Variants in STK24 observed in about 807,000 individuals in gnomAD.
STK24 encodes the protein serine/threonine kinase 24.
A neutral mutation model predicts 55.6 loss-of-function variants in STK24; 21 were observed. That is an observed-to-expected ratio of 0.38 (90% CI 0.27 to 0.54). The LOEUF is 0.54. STK24 is among the 20% of genes least tolerant of loss of function. STK24 has a pLI of 0.79. For synonymous variants in STK24, 200 were observed against 215.2 expected (o/e 0.93, Z 0.62); for missense variants, 383 against 538.4 (o/e 0.71, Z 2.86).
intron 2 of STK24, among the ~76,000 whole-genome samples, chr13:98,486,170 C>T (rs1388814364): frequency 2.7e-5 from 4 of 150,358 alleles, no homozygotes; most frequent in South Asian, 2.1e-4. Context: ...TAAACCTGCA[C>T]GTTCTGCACA....
At chr13:98,484,002 G>C (rs747248763) in intron 2 of STK24, among the ~76,000 whole-genome samples, 5 of 152,202 alleles carry the variant, frequency 3.3e-5, no homozygotes, top group South Asian at 2.1e-4. Context: ...GTCTTGACCG[G>C]ACAAGTGCGG....
chr13:98,529,849 T>C (rs1896535596), intron 1 of STK24, among the ~76,000 whole-genome samples: 1 of 152,110 alleles, frequency 6.6e-6, no homozygotes. Context: ...TGCTGGGAAC[T>C]ACAGAGGCAA....
intron 1 of STK24, among the ~76,000 whole-genome samples, chr13:98,536,102 C>T (rs1896727055): frequency 6.6e-6 from 1 of 152,140 alleles, no homozygotes; most frequent in Admixed American, 6.5e-5. Context: ...AGGTCATAGA[C>T]AAGGTTGATT....
chr13:98,448,485 G>T lies in STK24; in HGVS notation c.*4688C>A, dbSNP rs1411385407. 27 of 610,450 alleles carry T rather than the reference G, an allele frequency of 4.4e-5. No homozygotes were observed. In the Admixed American group the frequency reaches 6.7e-4, roughly 15 times the overall value. 37.8% of individuals were successfully genotyped at this position (610,450 alleles called of 1,614,324 possible). On this transcript the variant is annotated 3_prime_UTR_variant, in exon 11 of 11. Coordinates refer to ENST00000539966, the MANE Select transcript of STK24 (RefSeq NM_001032296.4). ...CGTTTTTTAACCCCGACCTCTCAGC[G>T]TCTGAATGAACAGCGCTCCCACCTC...
intron 2 of STK24, among the ~76,000 whole-genome samples, chr13:98,513,466 C>A (rs7326927): frequency 3.9e-5 from 6 of 152,004 alleles, no homozygotes; most frequent in Non-Finnish European, 8.8e-5. Flanking sequence ...TAGTGGCAGC[C>A]GAAACATCTG....
intron 1 of STK24, among the ~76,000 whole-genome samples, chr13:98,575,428 C>T (rs866323277): frequency 7.1e-4 from 99 of 140,396 alleles, no homozygotes; most frequent in Middle Eastern, 3.7e-3. Flanking sequence ...CACACACACA[C>T]ATATACACAC....
Position 98,461,818 on chromosome 13 carries a change from G to A in STK24, c.1009C>T (p.Leu337Phe). The part of the protein sequence containing the change: ...FTIREKDPKN[L>F]ENGALQPSDL... Reference sequence around the variant, plus strand: ...GATGGCTGAAGAGCTCCATTCTCGAGATTCTTGGGATCTTTTTCTCGGATT... The same window carrying A: ...GATGGCTGAAGAGCTCCATTCTCGAAATTCTTGGGATCTTTTTCTCGGATT... Residue 337 changes from leucine (L) to phenylalanine (F), a missense_variant, in exon 8 of 11, where the codon CTC becomes TTC. Coordinates refer to ENST00000539966, the MANE Select transcript of STK24 (RefSeq NM_001032296.4). The A allele has an allele frequency of 6.2e-7, 1 of 1,614,134 alleles. No individual in the cohort carries two copies. Among genetic ancestry groups the A allele is most frequent in the Non-Finnish European group, 8.5e-7 (1 of 1,179,992 alleles).
chr13:98,481,926 G>A (rs1341457386), intron 3 of STK24, among the ~76,000 whole-genome samples: 2 of 152,058 alleles, frequency 1.3e-5, no homozygotes, highest in Non-Finnish European at 2.9e-5. Context: ...AATTGGCCAG[G>A]TGTGGTGGCA....
chr13:98,540,363 CAAT>C (rs1415282177), intron 1 of STK24, among the ~76,000 whole-genome samples: 1 of 152,070 alleles, frequency 6.6e-6, no homozygotes, highest in African/African-American at 2.4e-5. Flanking sequence ...AAATATGTAT[CAAT>C]AAAGCTGTTT....
At chr13:98,540,026 G>C (rs1404048162) in intron 1 of STK24, among the ~76,000 whole-genome samples, 1 of 152,144 alleles carries the variant, frequency 6.6e-6, no homozygotes, top group African/African-American at 2.4e-5. Flanking sequence ...AACAGAATAC[G>C]ATTCTGCTGC....
At chr13:98,456,327 TC>T (rs1419164611) in intron 10 of STK24, 3 of 362,352 alleles carry the variant, frequency 8.3e-6, no homozygotes, top group Non-Finnish European at 1.7e-5. Flanking sequence ...GACCCAGAAA[TC>T]CCCCTCATGA....
At chr13:98,536,598 A>G (rs1450321021) in intron 1 of STK24, among the ~76,000 whole-genome samples, 1 of 152,070 alleles carries the variant, frequency 6.6e-6, no homozygotes, top group Non-Finnish European at 1.5e-5. Flanking sequence ...TCCAGGGCTC[A>G]AATGATCCTC....
intron 1 of STK24, among the ~76,000 whole-genome samples, chr13:98,526,220 G>A (rs964953718): frequency 1.3e-5 from 2 of 152,170 alleles, no homozygotes; most frequent in African/African-American, 2.4e-5. Context: ...TTTGTCCTTT[G>A]TCAAGCTGTA....
chr13:98,512,361 C>T (rs1164926343), intron 2 of STK24, among the ~76,000 whole-genome samples: 1 of 151,974 alleles, frequency 6.6e-6, no homozygotes, highest in Non-Finnish European at 1.5e-5. Context: ...CAACTCTTAC[C>T]TGAGGTCCAT....
chr13:98,525,520 T>G (rs1468530272), intron 1 of STK24, among the ~76,000 whole-genome samples: 1 of 152,196 alleles, frequency 6.6e-6, no homozygotes, highest in Non-Finnish European at 1.5e-5. Flanking sequence ...GGGAGCAGCC[T>G]GCACACAGCA....
intron 2 of STK24, among the ~76,000 whole-genome samples, chr13:98,482,692 C>T (rs1354051110): frequency 6.6e-6 from 1 of 152,252 alleles, no homozygotes; most frequent in Non-Finnish European, 1.5e-5. Context: ...CCACTTGAGG[C>T]AGTGGTGTCA....
At chr13:98,510,107 G>A (rs9517333) in intron 2 of STK24, among the ~76,000 whole-genome samples, 10,185 of 152,192 alleles carry the variant, frequency 0.067, 479 homozygotes, top group Non-Finnish European at 0.099. Flanking sequence ...CCCTCCATCC[G>A]AAGAACCAAC....
At position 98,451,059 on chromosome 13, in the gene STK24, T is replaced by G. The variant is rs1355543500; in HGVS notation, c.*2114A>C. The G allele has an allele frequency of 6.6e-6, 1 of 152,196 alleles. No individual in the cohort carries two copies. Among genetic ancestry groups the G allele is most frequent in the African/African-American group, 2.4e-5 (1 of 41,436 alleles). 9.4% of individuals were successfully genotyped at this position (152,196 alleles called of 1,614,324 possible). A position where few individuals can be genotyped will look rare whatever the true frequency, so the allele number is the denominator to read the frequency against. ...AGAGACTCCCCGTTCATACCAGTAT[T>G]CATTAGAACCCAGTCCCTCGAGCGG... On this transcript the variant is annotated 3_prime_UTR_variant, in exon 11 of 11. Coordinates refer to ENST00000539966, the MANE Select transcript of STK24 (RefSeq NM_001032296.4).
At chr13:98,469,436 C>G (rs1166352018) in intron 5 of STK24, among the ~76,000 whole-genome samples, 3 of 152,034 alleles carry the variant, frequency 2.0e-5, no homozygotes, top group African/African-American at 7.3e-5. Context: ...GTAGTTCCAG[C>G]TACTTGGGAG....
Sources: gnomAD v4.1 joint callset for allele counts (sites outside exome capture counted in the v4.1 genomes callset) on GRCh38, gnomAD v4.1.1 for gene constraint, MANE v1.5 for transcripts, NCBI Gene and HGNC (gene_info 2026-07-23, HGNC 2026-07-21) for gene names.